STXBP3: variants seen among roughly 807,000 people sequenced by gnomAD.
STXBP3 encodes the protein syntaxin binding protein 3.
Under a neutral mutation model 85.7 loss-of-function variants are expected in STXBP3, and 41 were observed. The observed-to-expected ratio is 0.48, with a 90% CI of 0.37 to 0.62. STXBP3 has a LOEUF of 0.62. STXBP3 is among the 20% of genes least tolerant of loss of function. The pLI, the probability that STXBP3 is intolerant of heterozygous loss-of-function variation, is 0.00. For synonymous variants in STXBP3, 229 were observed against 231.7 expected, an observed-to-expected ratio of 0.99 and a Z score of 0.10; for missense variants, 563 against 703.1, an observed-to-expected ratio of 0.80 and a Z score of 2.25.
intron 11 of STXBP3, among the ~76,000 whole-genome samples, chr1:108,788,518 A>G (rs1392556174): frequency 6.6e-6 from 1 of 152,188 alleles, no homozygotes; most frequent in Non-Finnish European, 1.5e-5. Flanking sequence ...GAAGCAGTTC[A>G]GGCATAGAGA....
At chr1:108,751,647 T>C (rs1661909546) in intron 1 of STXBP3, among the ~76,000 whole-genome samples, 1 of 152,134 alleles carries the variant, frequency 6.6e-6, no homozygotes, top group South Asian at 2.1e-4. Context: ...AGAACAGATA[T>C]TTGTATAAAT....
At chr1:108,788,431 T>C (rs1433716755) in intron 11 of STXBP3, among the ~76,000 whole-genome samples, 1 of 152,228 alleles carries the variant, frequency 6.6e-6, no homozygotes, top group Non-Finnish European at 1.5e-5. Context: ...ATGCACACTT[T>C]GTCATTCCAT....
At chr1:108,755,260 A>G (rs1321975921) in intron 3 of STXBP3, among the ~76,000 whole-genome samples, 3 of 152,080 alleles carry the variant, frequency 2.0e-5, no homozygotes, top group Non-Finnish European at 4.4e-5. Context: ...AGCCTGGGCA[A>G]TATAGTGAGA....
chr1:108,796,425 A>G (rs1378873743), intron 14 of STXBP3, 53 bp downstream of exon 14: 2 of 1,332,708 alleles, frequency 1.5e-6, no homozygotes, highest in Non-Finnish European at 2.1e-6. Flanking sequence ...TCATAAAAGA[A>G]TCTTTGAAAA....
intron 14 of STXBP3, 85 bp from the exon 15 acceptor site, chr1:108,796,535 C>A: frequency 7.8e-7 from 1 of 1,281,150 alleles, no homozygotes; most frequent in South Asian, 1.5e-5. Flanking sequence ...ATTTTAAAAG[C>A]TTCATTCATG....
chr1:108,762,722 G>A (rs1662166184), intron 6 of STXBP3, among the ~76,000 whole-genome samples: 1 of 151,990 alleles, frequency 6.6e-6, no homozygotes, highest in Admixed American at 6.5e-5. Flanking sequence ...GAGTGATCTT[G>A]TTGAAATTTG....
intron 6 of STXBP3, among the ~76,000 whole-genome samples, chr1:108,769,566 A>T (rs1662338455): frequency 1.3e-5 from 2 of 152,226 alleles, no homozygotes; most frequent in Admixed American, 1.3e-4. Flanking sequence ...AGTAGATGGA[A>T]GACAGGATCT....
chr1:108,760,191 G>A, intron 6 of STXBP3, 106 bp downstream of exon 6: 1 of 616,136 alleles, frequency 1.6e-6, no homozygotes, highest in South Asian at 2.6e-5. Context: ...TGTATTTGGT[G>A]AATTTTGAAC....
intron 2 of STXBP3, among the ~76,000 whole-genome samples, chr1:108,752,752 T>G (rs1661931013): frequency 1.3e-5 from 2 of 152,230 alleles, no homozygotes; most frequent in African/African-American, 4.8e-5. Context: ...AAACAGTGCT[T>G]TGTGCAATAA....
chr1:108,746,894 A>G, intron 1 of STXBP3, 108 bp downstream of exon 1: 1 of 1,143,050 alleles, frequency 8.7e-7, no homozygotes, highest in Non-Finnish European at 1.3e-6. Context: ...CGCCGCGAGC[A>G]CTTGTTGCTT....
At chr1:108,761,198 G>T (rs61797300) in intron 6 of STXBP3, among the ~76,000 whole-genome samples, 2 of 152,050 alleles carry the variant, frequency 1.3e-5, no homozygotes, top group Admixed American at 1.3e-4. Flanking sequence ...GAGCCACCAC[G>T]CCCAGCTGAT....
intron 1 of STXBP3, among the ~76,000 whole-genome samples, chr1:108,749,189 C>CA: frequency 6.6e-6 from 1 of 152,222 alleles, no homozygotes; most frequent in African/African-American, 2.4e-5. Flanking sequence ...GGAGAACAAT[C>CA]AATATGCCTA....
At chr1:108,760,210 C>A in intron 6 of STXBP3, 125 bp downstream of exon 6, 1 of 532,766 alleles carries the variant, frequency 1.9e-6, no homozygotes, top group Non-Finnish European at 3.2e-6. Flanking sequence ...ACCTAATCCA[C>A]AAATAGACAT....
chr1:108,750,449 C>G (rs1176610155), intron 1 of STXBP3, among the ~76,000 whole-genome samples: 4 of 152,132 alleles, frequency 2.6e-5, no homozygotes, highest in African/African-American at 4.8e-5. Context: ...TATTTCATAA[C>G]ACTTCCAAAT....
intron 8 of STXBP3, among the ~76,000 whole-genome samples, chr1:108,777,170 G>A (rs1390500735): frequency 1.3e-5 from 2 of 152,132 alleles, no homozygotes; most frequent in Admixed American, 1.3e-4. Context: ...TGCTAGTTTA[G>A]AAGAGGAGTT....
chr1:108,747,523 C>T (rs1038875332), intron 1 of STXBP3, among the ~76,000 whole-genome samples: 29 of 152,290 alleles, frequency 1.9e-4, no homozygotes, highest in African/African-American at 6.5e-4. Flanking sequence ...TCATAAACAT[C>T]GCTCCAAACC....
chr1:108,796,622 A>G lies in STXBP3; in HGVS notation c.1252A>G (p.Thr418Ala), dbSNP rs1339166805. Residue 418 changes from threonine to alanine, a missense_variant and splice_region_variant, in exon 15 of 19, where the codon ACT becomes GCT. By Grantham distance (58) the Thr-to-Ala change is moderately conservative. Coordinates refer to ENST00000370008, the MANE Select transcript of STXBP3 (RefSeq NM_007269.4). ...ACTCATATTTTTACCTATTTAAGGA[A>G]CTACGGAAGAAAATTTGGACAGGTT... ...ILLYIFSINGTTEENLDRLIQ... is the reference protein window; with the variant it reads ...ILLYIFSINGATEENLDRLIQ... The G allele has an allele frequency of 6.2e-7, 1 of 1,612,068 alleles. No individual in the cohort carries two copies. The highest frequency in any genetic ancestry group is 1.3e-5 in the African/African-American group (1 of 74,830).
At chr1:108,803,209 G>T (rs1149157) in intron 17 of STXBP3, among the ~76,000 whole-genome samples, 43,642 of 152,020 alleles carry the variant, frequency 0.29, 7,197 homozygotes, top group East Asian at 0.75. Context: ...CAACAAAGTC[G>T]AAGATTAATT....
chr1:108,755,578 C>G (rs1271991695), intron 3 of STXBP3, among the ~76,000 whole-genome samples: 2 of 151,580 alleles, frequency 1.3e-5, no homozygotes, highest in Non-Finnish European at 2.9e-5. Flanking sequence ...GTGGCACTTT[C>G]TGTTATTAAT....
Sources: allele counts gnomAD v4.1 joint callset (sites outside exome capture counted in the v4.1 genomes callset), GRCh38; gene constraint gnomAD v4.1.1; transcripts MANE v1.5; gene names NCBI Gene and HGNC (gene_info 2026-07-23, HGNC 2026-07-21).